Variants in TET2 observed in about 807,000 individuals in gnomAD.
TET2 encodes tet methylcytosine dioxygenase 2, also known as methylcytosine dioxygenase TET2.
Under a neutral mutation model 142.9 loss-of-function variants are expected in TET2, and 299 were observed. The ratio of observed to expected loss-of-function variants is 2.09; its 90% CI spans 1.90 to 2.30. The LOEUF (loss-of-function observed/expected upper bound fraction) is 2.30, where lower values mean the gene tolerates loss of function less well. TET2 is among the 30% of genes most tolerant of loss of function. The probability of loss-of-function intolerance (pLI) is 0.00; values close to 1 mark genes in which losing one functional copy is unlikely to be tolerated. For missense variants in TET2, 2,418 were observed against 2,378.0 expected, an observed-to-expected ratio of 1.02 and a Z score of -0.35; for synonymous variants, 819 against 849.0, an observed-to-expected ratio of 0.96 and a Z score of 0.61.
intron 9 of TET2, among the ~76,000 whole-genome samples, chr4:105,271,444 A>G (rs184905898): frequency 1.0e-3 from 153 of 149,264 alleles, no homozygotes; most frequent in Non-Finnish European, 4.2e-4. Flanking sequence ...GTTTAGAATC[A>G]AGAAGAATTT....
chr4:105,242,280 T>G (rs1481629564), intron 4 of TET2: 1 of 1,082,170 alleles, frequency 9.2e-7, no homozygotes, highest in Non-Finnish European at 1.1e-6. Context: ...TTTTGTTGTT[T>G]TTTTGTTTTG....
intron 2 of TET2, among the ~76,000 whole-genome samples, chr4:105,213,780 G>A (rs892785303): frequency 6.6e-6 from 1 of 152,172 alleles, no homozygotes; most frequent in African/African-American, 2.4e-5. Flanking sequence ...AAAGCTCTCA[G>A]AGAGAACTAT....
In TET2 at chr4:105,259,672, C is replaced by T; in HGVS notation, c.3857C>T (p.Ser1286Phe). 1 of 1,551,196 alleles carries T rather than the reference C, an allele frequency of 6.4e-7. No homozygotes were observed. The highest frequency in any genetic ancestry group is 8.7e-7 in the Non-Finnish European group (1 of 1,146,592). ...LDPETCGASFSFGCSWSMYYN... is the reference protein window; with the variant it reads ...LDPETCGASFFFGCSWSMYYN... The stretch of plus-strand genomic sequence containing the variant: ...CCAGAAACCTGTGGTGCCTCCTTCT[C>T]TTTTGGTTGTTCATGGAGCATGTAC... The change falls in exon 7 of 11, where the codon TCT becomes TTT. Residue 1286 changes from serine (S) to phenylalanine (F), a missense_variant. Ser to Phe is a radical substitution (Grantham distance 155). Transcript: ENST00000380013.
intron 6 of TET2, among the ~76,000 whole-genome samples, chr4:105,251,021 C>T (rs781358713): frequency 1.3e-5 from 2 of 151,994 alleles, no homozygotes; most frequent in African/African-American, 4.8e-5. Context: ...TTTTTTTTAT[C>T]CTATTGCAAA....
chr4:105,235,336 C>T lies in TET2; in HGVS notation c.1394C>T (p.Pro465Leu). Residue 465 changes from proline to leucine, a missense_variant, in exon 3 of 11, where the codon CCA (proline) becomes CTA (leucine). By Grantham distance (98) the Pro-to-Leu change is moderately conservative. Transcript: ENST00000380013. Reference protein sequence around the residue: ...PEAPPSQSPNPSTHVCSPSPM... With the variant: ...PEAPPSQSPNLSTHVCSPSPM... Reference sequence around the variant, plus strand: ...GCACCACCTTCCCAGAGTCCTAATCCATCTACACATGTATGCAGCCCTTCT... The same window carrying T: ...GCACCACCTTCCCAGAGTCCTAATCTATCTACACATGTATGCAGCCCTTCT... 1 of 1,613,756 alleles carries T rather than the reference C, an allele frequency of 6.2e-7. No homozygotes were observed. Among genetic ancestry groups the T allele is most frequent in the South Asian group, 1.1e-5 (1 of 91,032 alleles).
chr4:105,227,419 A>G (rs1461573182), intron 2 of TET2, among the ~76,000 whole-genome samples: 1 of 152,200 alleles, frequency 6.6e-6, no homozygotes, highest in Admixed American at 6.5e-5. Context: ...AATTGTTTCC[A>G]TCTAGGGAAT....
rs1354596667 is a variant in TET2, at chr4:105,235,813, C to T, written c.1871C>T (p.Thr624Ile). Residue 624 changes from threonine (T) to isoleucine (I), a missense_variant, in exon 3 of 11, where the codon ACA becomes ATA. By Grantham distance (89) the Thr-to-Ile change is moderately conservative (BLOSUM62 -1). Transcript: ENST00000380013. ...GLPRQAYTQK[T>I]TQLEHKSQMY... ...CCAAGGCAAGCTTACACCCAGAAAA[C>T]AACACAGCTGGAGCACAAGTCACAA... The T allele has an allele frequency of 6.2e-7, 1 of 1,614,078 alleles. No homozygotes were observed. Among genetic ancestry groups the T allele is most frequent in the South Asian group, 1.1e-5 (1 of 91,082 alleles).
In TET2 at chr4:105,231,372, G is replaced by C. The variant is rs573972765; in HGVS notation, c.-46-2525G>C. 3.4e-4 allele frequency among the ~76,000 whole-genome samples: 52 copies of C among 152,034 alleles called. 1 individual carries two copies. Among genetic ancestry groups the C allele is most frequent in the Non-Finnish European group, 8.8e-5 (6 of 67,976 alleles). ...GTTTTTGTACTTATATATTAGTATA[G>C]TTTTAAAGTTATATTAAAATAGGTC... On this transcript the variant is annotated intron_variant, in intron 2 of 10. Transcript: ENST00000380013.
rs777097104 is a variant in TET2, at chr4:105,276,566, A to G, written c.*47A>G. On this transcript the variant is annotated 3_prime_UTR_variant, in exon 11 of 11. Transcript: ENST00000380013. ...ACCTCACTTGAAAAGACCACAACCA[A>G]CCTGTCAGTAGTATAGTTCTCATGA... 1.3e-6 allele frequency: 2 copies of G among 1,514,666 alleles called. No homozygotes were observed. The highest frequency in any genetic ancestry group is 1.4e-5 in the African/African-American group (1 of 71,984). The allele number at this position is 1,514,666 out of a possible 1,614,324, so 93.8% of individuals were successfully genotyped here. A position where few individuals can be genotyped will look rare whatever the true frequency, so the allele number is the denominator to read the frequency against.
chr4:105,148,308 A>G (rs551684842), intron 1 of TET2, among the ~76,000 whole-genome samples: 6 of 152,330 alleles, frequency 3.9e-5, no homozygotes, highest in Admixed American at 3.9e-4. Flanking sequence ...TCTAATGTTT[A>G]AGAATTGAGA....
At chr4:105,201,383 A>G (rs1281782473) in intron 2 of TET2, among the ~76,000 whole-genome samples, 1 of 152,232 alleles carries the variant, frequency 6.6e-6, no homozygotes, top group African/African-American at 2.4e-5. Context: ...AAGTTTAAGG[A>G]AAGTATAACT....
intron 9 of TET2, among the ~76,000 whole-genome samples, chr4:105,271,555 A>G (rs1730964907): frequency 1.3e-5 from 2 of 152,214 alleles, no homozygotes; most frequent in African/African-American, 4.8e-5. Flanking sequence ...CAAGGTGCTC[A>G]GAGACATGAA....
In TET2 at chr4:105,261,836, ATATAAT is replaced by A. The variant is rs1560565003; in HGVS notation, c.4033_4038del (p.Tyr1345_Asn1346del). ...CATATAAGAAACTTGCACCTGATGC[ATATAAT>A]AATCAGGTAAGTTTAAATAATCATT... On this transcript the variant is annotated inframe_deletion, in exon 8 of 11. Transcript: ENST00000380013. The A allele has an allele frequency of 6.5e-7, 1 of 1,542,834 alleles. No homozygotes were observed. The highest frequency in any genetic ancestry group is 2.5e-5 in the East Asian group (1 of 40,770).
intron 2 of TET2, among the ~76,000 whole-genome samples, chr4:105,223,332 A>G (rs1046268138): frequency 6.6e-6 from 1 of 152,096 alleles, no homozygotes; most frequent in African/African-American, 2.4e-5. Flanking sequence ...GTTTTGGATT[A>G]TGTTTTTAAA....
At chr4:105,271,285 ATCATGTAC>A (rs1256556486) in intron 9 of TET2, among the ~76,000 whole-genome samples, 4 of 152,174 alleles carry the variant, frequency 2.6e-5, no homozygotes, top group Admixed American at 2.0e-4. Context: ...ATCATCACTA[ATCATGTAC>A]TCAGCACCTG....
chr4:105,190,711 A>T, intron 2 of TET2: 1 of 456,384 alleles, frequency 2.2e-6, no homozygotes, highest in Non-Finnish European at 3.9e-6. Flanking sequence ...GTATAGCTGT[A>T]TTTTTCTGGA....
At chr4:105,157,777 A>G (rs572888338) in intron 1 of TET2, among the ~76,000 whole-genome samples, 104 of 152,222 alleles carry the variant, frequency 6.8e-4, no homozygotes, top group African/African-American at 2.4e-3. Flanking sequence ...TCTGGGTTCA[A>G]GCGATTCTCC....
intron 4 of TET2, chr4:105,242,096 G>A (rs1729335543): frequency 2.5e-6 from 3 of 1,200,478 alleles, no homozygotes; most frequent in Non-Finnish European, 3.1e-6. Flanking sequence ...TTTTCATTAA[G>A]AGGTAGGCAG....
intron 1 of TET2, chr4:105,171,696 G>A (rs961761713): frequency 3.9e-5 from 6 of 152,196 alleles, no homozygotes; most frequent in Admixed American, 1.3e-4. Context: ...CCAGTGTAAT[G>A]TTTGCTCATT....
Sources: gnomAD v4.1 joint callset for allele counts (sites outside exome capture counted in the v4.1 genomes callset) on GRCh38, gnomAD v4.1.1 for gene constraint, MANE v1.5 for transcripts, NCBI Gene and HGNC (gene_info 2026-07-23, HGNC 2026-07-21) for gene names.